KIAA1217: variants seen among roughly 807,000 people sequenced by gnomAD.
KIAA1217 encodes sickle tail protein homolog.
Under a neutral mutation model 163.9 loss-of-function variants are expected in KIAA1217, and 88 were observed. That is an observed-to-expected ratio of 0.54 (90% CI 0.45 to 0.64). The LOEUF is 0.64. KIAA1217 is among the 30% of genes least tolerant of loss of function. KIAA1217 has a pLI of 0.00. For missense variants in KIAA1217, 2,372 were observed against 2,475.0 expected, an observed-to-expected ratio of 0.96 and a Z score of 0.88; for synonymous variants, 903 against 923.1, an observed-to-expected ratio of 0.98 and a Z score of 0.39.
intron 1 of KIAA1217, among the ~76,000 whole-genome samples, chr10:23,704,168 GTGTGTATATATA>G (rs1279236454): frequency 1.1e-4 from 7 of 63,302 alleles, no homozygotes; most frequent in Admixed American, 2.1e-4. Context: ...GTGTGTGTGT[GTGTGTATATATA>G]TATATATATA....
At chr10:23,932,278 G>T (rs1843286071) in intron 1 of KIAA1217, among the ~76,000 whole-genome samples, 1 of 152,004 alleles carries the variant, frequency 6.6e-6, no homozygotes, top group Non-Finnish European at 1.5e-5. Context: ...TCGCCTGCAG[G>T]GTCCAAAAAT....
At chr10:24,455,693 T>C (rs1040000052) in intron 5 of KIAA1217, among the ~76,000 whole-genome samples, 1 of 152,198 alleles carries the variant, frequency 6.6e-6, no homozygotes, top group African/African-American at 2.4e-5. Flanking sequence ...TTCTCCCAGG[T>C]GGTAAGATGG....
chr10:24,275,886 G>C, intron 2 of KIAA1217: 2 of 437,294 alleles, frequency 4.6e-6, no homozygotes, highest in Non-Finnish European at 9.2e-6. Flanking sequence ...CTGGCCATCA[G>C]TTCTCCCTTC....
chr10:24,229,946 C>T (rs1444113157), intron 2 of KIAA1217, among the ~76,000 whole-genome samples: 1 of 152,052 alleles, frequency 6.6e-6, no homozygotes, highest in East Asian at 1.9e-4. Flanking sequence ...AGAACTTACT[C>T]ATTTAACCAA....
At chr10:23,976,232 A>C (rs2131402597) in intron 1 of KIAA1217, among the ~76,000 whole-genome samples, 1 of 152,264 alleles carries the variant, frequency 6.6e-6, no homozygotes, top group South Asian at 2.1e-4. Flanking sequence ...TTATCCAGTC[A>C]CCCAAGCAGC....
At chr10:24,059,682 A>G (rs1421987705) in intron 2 of KIAA1217, among the ~76,000 whole-genome samples, 2 of 151,884 alleles carry the variant, frequency 1.3e-5, no homozygotes. Flanking sequence ...GGTTCACGCC[A>G]TTGTCTTGCC....
chr10:23,751,596 T>TA (rs569223835), intron 1 of KIAA1217, among the ~76,000 whole-genome samples: 77 of 149,048 alleles, frequency 5.2e-4, no homozygotes, highest in East Asian at 2.0e-3. Context: ...CTTTCAGTAT[T>TA]AAAAAAAAAA....
At chr10:24,341,400 A>G (rs1434140530) in intron 2 of KIAA1217, among the ~76,000 whole-genome samples, 2 of 152,002 alleles carry the variant, frequency 1.3e-5, no homozygotes, top group Admixed American at 6.6e-5. Context: ...AAAAGACCTC[A>G]TGAATTGTTT....
rs115636495 is a variant in KIAA1217, at chr10:24,213,447, G to A, written c.70+4184G>A. Among the ~76,000 whole-genome samples, 1,109 of 152,246 alleles carry A rather than the reference G, an allele frequency of 7.3e-3. 9 individuals carry two copies. The highest frequency in any genetic ancestry group is 0.022 in the South Asian group (107 of 4,820). Reference sequence around the variant, plus strand: ...AGCCTCCCATCGAGTGCAAGCCTGGGGAATCAGATATGCAGAAGCCTCCTC... The same window carrying A: ...AGCCTCCCATCGAGTGCAAGCCTGGAGAATCAGATATGCAGAAGCCTCCTC... On this transcript the variant is annotated intron_variant, in intron 1 of 20. Transcript: ENST00000376454.
At chr10:24,128,922 T>G (rs1444922859) in intron 2 of KIAA1217, among the ~76,000 whole-genome samples, 8 of 152,246 alleles carry the variant, frequency 5.3e-5, no homozygotes, top group Non-Finnish European at 8.8e-5. Context: ...TCAATGGCCC[T>G]GTTAAAGGCT....
chr10:24,360,497 C>T (rs903185546), intron 2 of KIAA1217, among the ~76,000 whole-genome samples: 2 of 152,182 alleles, frequency 1.3e-5, no homozygotes, highest in African/African-American at 2.4e-5. Flanking sequence ...TGGGCTTTAA[C>T]TATGCAAGCA....
intron 1 of KIAA1217, among the ~76,000 whole-genome samples, chr10:23,949,877 T>C (rs920589372): frequency 6.6e-6 from 1 of 152,210 alleles, no homozygotes; most frequent in African/African-American, 2.4e-5. Flanking sequence ...CATTAAACTC[T>C]GGAATCACAA....
chr10:24,259,384 A>G (rs57313724), intron 2 of KIAA1217, among the ~76,000 whole-genome samples: 4,766 of 152,220 alleles, frequency 0.031, 151 homozygotes, highest in East Asian at 0.093. Flanking sequence ...AGGCTGAGAC[A>G]GGAGGATTGC....
intron 1 of KIAA1217, among the ~76,000 whole-genome samples, chr10:23,899,124 A>G (rs1373591643): frequency 7.2e-5 from 11 of 152,112 alleles, no homozygotes; most frequent in African/African-American, 2.7e-4. Context: ...ATCAATGCCC[A>G]TGGAGTAGTC....
At chr10:24,499,931 G>A (rs898465739) in intron 8 of KIAA1217, among the ~76,000 whole-genome samples, 3 of 152,114 alleles carry the variant, frequency 2.0e-5, no homozygotes, top group African/African-American at 7.2e-5. Context: ...CATCAGCATC[G>A]CCAAGGCCAA....
At chr10:23,986,492 T>A (rs906924645) in intron 1 of KIAA1217, among the ~76,000 whole-genome samples, 1 of 152,246 alleles carries the variant, frequency 6.6e-6, no homozygotes, top group African/African-American at 2.4e-5. Context: ...TTACTTACAA[T>A]ATCTAATGCA....
intron 2 of KIAA1217, among the ~76,000 whole-genome samples, chr10:24,167,596 C>A (rs2065418430): frequency 6.6e-6 from 1 of 152,068 alleles, no homozygotes; most frequent in Non-Finnish European, 1.5e-5. Context: ...GTTTTTCCAC[C>A]TTTACCCAAC....
At chr10:24,151,330 C>A (rs1175722865) in intron 2 of KIAA1217, among the ~76,000 whole-genome samples, 1 of 151,248 alleles carries the variant, frequency 6.6e-6, no homozygotes, top group Non-Finnish European at 1.5e-5. Flanking sequence ...TAGCAACATT[C>A]ATGATTAAGG....
chr10:23,830,914 A>G (rs191233034), intron 1 of KIAA1217, among the ~76,000 whole-genome samples: 8 of 152,116 alleles, frequency 5.3e-5, no homozygotes, highest in African/African-American at 1.9e-4. Context: ...TGCAGATTTC[A>G]TGTTAAAGCT....
Sources: allele counts gnomAD v4.1 joint callset (sites outside exome capture counted in the v4.1 genomes callset), GRCh38; gene constraint gnomAD v4.1.1; transcripts MANE v1.5; gene names NCBI Gene and HGNC (gene_info 2026-07-23, HGNC 2026-07-21).